The following SNTG2 variants were observed in gnomAD, a reference collection of about 807,000 sequenced individuals.
SNTG2 encodes syntrophin gamma 2.
A neutral mutation model predicts 70.9 loss-of-function variants in SNTG2; 74 were observed. That is an observed-to-expected ratio of 1.04 (90% CI 0.86 to 1.27). SNTG2 has a LOEUF of 1.27. Ranked by LOEUF, SNTG2 falls within the 50% of genes most tolerant of loss-of-function variation. The pLI is 0.00. For missense variants in SNTG2, 717 were observed against 690.7 expected, an observed-to-expected ratio of 1.04 and a Z score of -0.43; for synonymous variants, 278 against 273.8, an observed-to-expected ratio of 1.02 and a Z score of -0.15.
intron 8 of SNTG2, among the ~76,000 whole-genome samples, chr2:1,187,051 A>G (rs1432281003): frequency 1.3e-5 from 2 of 152,208 alleles, no homozygotes; most frequent in African/African-American, 4.8e-5. Flanking sequence ...GAAGACGTCT[A>G]GCACATGCTC....
intron 14 of SNTG2, among the ~76,000 whole-genome samples, chr2:1,280,438 G>C (rs1679463985): frequency 6.6e-6 from 1 of 152,172 alleles, no homozygotes; most frequent in South Asian, 2.1e-4. Flanking sequence ...TGTGGCTTCT[G>C]TTGATGACTC....
At chr2:1,017,588 T>C (rs1305440618) in intron 1 of SNTG2, among the ~76,000 whole-genome samples, 1 of 152,180 alleles carries the variant, frequency 6.6e-6, no homozygotes, top group Non-Finnish European at 1.5e-5. Context: ...CACATGTATG[T>C]ACATGTATTT....
chr2:1,038,979 C>G (rs1661283066), intron 1 of SNTG2, among the ~76,000 whole-genome samples: 1 of 152,180 alleles, frequency 6.6e-6, no homozygotes, highest in Non-Finnish European at 1.5e-5. Context: ...TATTGAAAAA[C>G]ATGCATCTTG....
At chr2:1,350,683 TAAG>T (rs965605322) in intron 16 of SNTG2, among the ~76,000 whole-genome samples, 1 of 152,238 alleles carries the variant, frequency 6.6e-6, no homozygotes, top group Admixed American at 6.5e-5. Flanking sequence ...ACAGTGATTG[TAAG>T]AAGTCTATTT....
At chr2:1,095,090 GA>G (rs900358465) in intron 2 of SNTG2, among the ~76,000 whole-genome samples, 4 of 151,492 alleles carry the variant, frequency 2.6e-5, no homozygotes, top group African/African-American at 7.3e-5. Context: ...AGAAAAAAGA[GA>G]AAAAAAAAGA....
chr2:1,235,270 G>A (rs1427975304), intron 9 of SNTG2, among the ~76,000 whole-genome samples: 6 of 90,390 alleles, frequency 6.6e-5, no homozygotes, highest in African/African-American at 9.2e-5. Flanking sequence ...TGAGGTCCCT[G>A]CAGGCCCCAC....
intron 4 of SNTG2, among the ~76,000 whole-genome samples, chr2:1,106,506 G>A (rs1317714093): frequency 8.0e-6 from 1 of 125,600 alleles, no homozygotes; most frequent in Non-Finnish European, 1.6e-5. Flanking sequence ...TGTCACTCGG[G>A]TGCAGGGTAT....
chr2:1,082,914 C>G (rs1379098029), intron 1 of SNTG2, among the ~76,000 whole-genome samples: 1 of 152,196 alleles, frequency 6.6e-6, no homozygotes, highest in Non-Finnish European at 1.5e-5. Context: ...CCCTCCTGAT[C>G]AATACTTCCT....
At chr2:966,866 G>C (rs112453665) in intron 1 of SNTG2, among the ~76,000 whole-genome samples, 51,945 of 151,758 alleles carry the variant, frequency 0.34, 9,622 homozygotes, top group Middle Eastern at 0.47. Context: ...AGAATTGCTT[G>C]AACCTGGGAG....
At chr2:1,064,460 TAA>T (rs1482352737) in intron 1 of SNTG2, among the ~76,000 whole-genome samples, 3 of 150,892 alleles carry the variant, frequency 2.0e-5, no homozygotes, top group African/African-American at 7.3e-5. Context: ...AATATAATTT[TAA>T]GTTTATATAT....
chr2:1,049,868 T>C lies in SNTG2; in HGVS notation c.73-33650T>C, dbSNP rs1661957445. 2.0e-5 allele frequency among the ~76,000 whole-genome samples: 3 copies of C among 152,352 alleles called. No homozygotes were observed. In the South Asian group the frequency reaches 6.2e-4, roughly 32 times the overall value. ...GTGTGTGCTAGAATCCCATTGCTGTTTTAACTGGCAGTTCTCCAGTGACAT... is the reference window on the plus strand; with the variant it reads ...GTGTGTGCTAGAATCCCATTGCTGTCTTAACTGGCAGTTCTCCAGTGACAT... On this transcript the variant is annotated intron_variant, in intron 1 of 16. Coordinates refer to ENST00000308624, the MANE Select transcript of SNTG2 (RefSeq NM_018968.4).
At chr2:1,197,507 GTATATA>G (rs1213631871) in intron 8 of SNTG2, among the ~76,000 whole-genome samples, 66 of 78,098 alleles carry the variant, frequency 8.5e-4, no homozygotes, top group Middle Eastern at 5.1e-3. Flanking sequence ...ATATGTGTAT[GTATATA>G]TATGTGTGTG....
At chr2:1,014,738 CAGAG>C (rs200391677) in intron 1 of SNTG2, among the ~76,000 whole-genome samples, 2 of 109,028 alleles carry the variant, frequency 1.8e-5, no homozygotes, top group African/African-American at 7.4e-5. Flanking sequence ...TTTATATGGG[CAGAG>C]AGAGAAGGGT....
intron 1 of SNTG2, among the ~76,000 whole-genome samples, chr2:1,061,544 T>G (rs562783901): frequency 8.5e-5 from 13 of 152,342 alleles, no homozygotes; most frequent in Admixed American, 5.9e-4. Context: ...GTTCAGAGTT[T>G]CTCTTCTGTA....
At chr2:1,135,581 G>A (rs1450031621) in intron 4 of SNTG2, among the ~76,000 whole-genome samples, 1 of 152,180 alleles carries the variant, frequency 6.6e-6, no homozygotes, top group Non-Finnish European at 1.5e-5. Context: ...AATTGGCAGG[G>A]TGTGGTGGTG....
Position 1,063,961 on chromosome 2 carries a change from TAAAAC to T in SNTG2, c.73-19552_73-19548del, listed in dbSNP as rs551925153. On this transcript the variant is annotated intron_variant, in intron 1 of 16. Transcript: ENST00000308624. ...CACTGGACCCCAAATAGCATAAAAT[TAAAAC>T]AAAATCATTTTTGAAAGCATATAAT... 4.7e-4 allele frequency among the ~76,000 whole-genome samples: 71 copies of T among 152,240 alleles called. 1 individual carries two copies. Among genetic ancestry groups the T allele is most frequent in the African/African-American group, 1.5e-3 (63 of 41,550 alleles).
Position 1,083,536 on chromosome 2 carries a change from C to T in SNTG2, c.91C>T (p.Leu31=), listed in dbSNP as rs779573893. 6.2e-7 allele frequency: 1 copy of T among 1,613,672 alleles called. No homozygotes were observed. Among genetic ancestry groups the T allele is most frequent in the Admixed American group, 1.7e-5 (1 of 60,010 alleles). Residue 31 remains leucine, a synonymous_variant, in exon 2 of 17, where the codon CTG becomes TTG. Coordinates refer to ENST00000308624, the MANE Select transcript of SNTG2 (RefSeq NM_018968.4). ...CCTACAGACGAAAACCACTATTGCT[C>T]TGTTGTATGATGAAGAGTCCGAAAA... ...VPARTKTTIA[L]LYDEESENAY...
intron 4 of SNTG2, among the ~76,000 whole-genome samples, chr2:1,125,296 T>C (rs547366542): frequency 6.6e-6 from 1 of 152,324 alleles, no homozygotes; most frequent in East Asian, 1.9e-4. Flanking sequence ...CATTTCTTCA[T>C]TTATGAACTT....
At chr2:1,331,507 CTT>C (rs1491145201) in intron 16 of SNTG2, among the ~76,000 whole-genome samples, 1 of 152,164 alleles carries the variant, frequency 6.6e-6, no homozygotes, top group Non-Finnish European at 1.5e-5. Flanking sequence ...GATCCCTTGA[CTT>C]TATTCTTTCC....
Sources: allele counts gnomAD v4.1 joint callset (sites outside exome capture counted in the v4.1 genomes callset), GRCh38; gene constraint gnomAD v4.1.1; transcripts MANE v1.5; gene names NCBI Gene and HGNC (gene_info 2026-07-23, HGNC 2026-07-21).